The following MIER3 variants were observed in gnomAD, a reference collection of about 807,000 sequenced individuals.
The protein encoded by MIER3 is MIER family member 3.
Under a neutral mutation model 63.2 loss-of-function variants are expected in MIER3, and 9 were observed. The ratio of observed to expected loss-of-function variants is 0.14; its 90% CI spans 0.09 to 0.25. The LOEUF is 0.25. MIER3 is among the 10% of genes least tolerant of loss of function. The probability of loss-of-function intolerance (pLI) is 1.00; values close to 1 mark genes in which losing one functional copy is unlikely to be tolerated. For missense variants in MIER3, 512 were observed against 666.2 expected, an observed-to-expected ratio of 0.77 and a Z score of 2.55; for synonymous variants, 205 against 224.9, an observed-to-expected ratio of 0.91 and a Z score of 0.79.
At chr5:56,926,488 A>G (rs1749987720) in intron 10 of MIER3, among the ~76,000 whole-genome samples, 1 of 152,122 alleles carries the variant, frequency 6.6e-6, no homozygotes, top group South Asian at 2.1e-4. Context: ...ATAAGAAAAG[A>G]TGGTCAACAT....
At chr5:56,931,665 A>G (rs1048082530) in intron 8 of MIER3, among the ~76,000 whole-genome samples, 1 of 152,200 alleles carries the variant, frequency 6.6e-6, no homozygotes, top group African/African-American at 2.4e-5. Context: ...TCTTAATGTA[A>G]AAACCTTAGA....
intron 8 of MIER3, among the ~76,000 whole-genome samples, chr5:56,932,003 T>C (rs907365230): frequency 2.0e-5 from 3 of 152,152 alleles, no homozygotes; most frequent in Non-Finnish European, 4.4e-5. Flanking sequence ...ATTATAAATA[T>C]AATAGAGGGC....
chr5:56,922,466 G>C lies in MIER3; in HGVS notation c.*662C>G, dbSNP rs1158485566. On this transcript the variant is annotated 3_prime_UTR_variant, in exon 13 of 13. Transcript: ENST00000381199. ...ATCCAAGCAAGCGTCTTCATTATTTGCACACAGTTCCTTGTGCTGGCTTCC... is the reference window on the plus strand; with the variant it reads ...ATCCAAGCAAGCGTCTTCATTATTTCCACACAGTTCCTTGTGCTGGCTTCC... 6.5e-6 allele frequency: 1 copy of C among 152,678 alleles called. No individual in the cohort carries two copies. The highest frequency in any genetic ancestry group is 1.5e-5 in the Non-Finnish European group (1 of 68,094). The allele number at this position is 152,678 out of a possible 1,614,324, so 9.5% of individuals were successfully genotyped here.
intron 5 of MIER3, among the ~76,000 whole-genome samples, chr5:56,936,565 C>T (rs1750454232): frequency 6.6e-6 from 1 of 152,084 alleles, no homozygotes; most frequent in Non-Finnish European, 1.5e-5. Context: ...GGCTGGAGAG[C>T]AGTAGCCTGT....
At chr5:56,925,298 T>G (rs1257438115) in intron 10 of MIER3, 3 of 453,258 alleles carry the variant, frequency 6.6e-6, no homozygotes, top group South Asian at 4.7e-5. Flanking sequence ...GTATACAGAT[T>G]GGGAAGGAAG....
At chr5:56,934,283 A>G (rs528795073) in intron 7 of MIER3, among the ~76,000 whole-genome samples, 1 of 152,314 alleles carries the variant, frequency 6.6e-6, no homozygotes, top group South Asian at 2.1e-4. Flanking sequence ...AGTTAGAAGG[A>G]AAGTTAAAAA....
intron 3 of MIER3, among the ~76,000 whole-genome samples, chr5:56,944,869 A>AT (rs1750773737): frequency 6.6e-6 from 1 of 151,490 alleles, no homozygotes; most frequent in Admixed American, 6.6e-5. Context: ...TAATTGTTAA[A>AT]TTTTTTTGGT....
chr5:56,941,072 T>C, intron 3 of MIER3: 1 of 985,426 alleles, frequency 1.0e-6, no homozygotes. Flanking sequence ...TACTAGCTAC[T>C]TGCTACTGGA....
intron 9 of MIER3, chr5:56,929,150 A>G (rs970908048): frequency 3.9e-6 from 1 of 253,476 alleles, no homozygotes; most frequent in Non-Finnish European, 7.4e-6. Flanking sequence ...TAAGTTTTCT[A>G]TAACATGCCT....
intron 8 of MIER3, among the ~76,000 whole-genome samples, chr5:56,931,957 T>A (rs942285104): frequency 6.6e-6 from 1 of 152,160 alleles, no homozygotes; most frequent in South Asian, 2.1e-4. Flanking sequence ...ATACATTTTT[T>A]AAAAAATTGA....
chr5:56,928,905 CT>C (rs1432690260), intron 9 of MIER3, 44 bp from the exon 10 acceptor site: 1 of 1,403,860 alleles, frequency 7.1e-7, no homozygotes, highest in Non-Finnish European at 1.0e-6. Flanking sequence ...CCCAAATTTT[CT>C]TATGTGAATC....
chr5:56,933,559 A>G (rs1445641591), intron 7 of MIER3, among the ~76,000 whole-genome samples, 161 bp from the exon 8 acceptor site: 1 of 152,200 alleles, frequency 6.6e-6, no homozygotes. Context: ...CCTTTCACAC[A>G]CAAGCGAAAA....
rs890439770 is a variant in MIER3 at position 56,928,864 on chromosome 5, A to G, written c.830-3T>C. On this transcript the variant is annotated splice_region_variant and splice_polypyrimidine_tract_variant and intron_variant, in intron 9 of 12. Transcript: ENST00000381199. Reference sequence around the variant, plus strand: ...TTCCGTCCATGCAGTCATTCCTTCTAAGAAAAATTTTAAAATAAAATTTAT... The same window carrying G: ...TTCCGTCCATGCAGTCATTCCTTCTGAGAAAAATTTTAAAATAAAATTTAT... 2 of 1,608,758 alleles carry G rather than the reference A, an allele frequency of 1.2e-6. No homozygotes were observed. Among genetic ancestry groups the G allele is most frequent in the African/African-American group, 1.3e-5 (1 of 74,564 alleles).
At chr5:56,950,593 G>A (rs368183442) in intron 2 of MIER3, 35 bp downstream of exon 2, 1 of 1,612,514 alleles carries the variant, frequency 6.2e-7, no homozygotes, top group Non-Finnish European at 8.5e-7. Context: ...ATTACCCACT[G>A]GGAACCACCG....
At chr5:56,933,708 T>C (rs370441696) in intron 7 of MIER3, among the ~76,000 whole-genome samples, 14 of 152,306 alleles carry the variant, frequency 9.2e-5, no homozygotes, top group East Asian at 3.9e-4. Flanking sequence ...TCTTATACTC[T>C]TCTAATGAAG....
chr5:56,943,527 C>A (rs1750723730), intron 3 of MIER3, among the ~76,000 whole-genome samples: 1 of 152,084 alleles, frequency 6.6e-6, no homozygotes, highest in South Asian at 2.1e-4. Flanking sequence ...ACAGGAATGA[C>A]CATCTGTTGA....
At chr5:56,940,724 G>A (rs79301403) in intron 3 of MIER3, among the ~76,000 whole-genome samples, 2,200 of 152,228 alleles carry the variant, frequency 0.014, 19 homozygotes, top group Non-Finnish European at 0.024. Flanking sequence ...GTCAGAACAG[G>A]GTGAAGTTCA....
At chr5:56,927,773 T>C (rs936581178) in intron 10 of MIER3, 5 of 152,210 alleles carry the variant, frequency 3.3e-5, no homozygotes, top group African/African-American at 9.6e-5. Flanking sequence ...GTACATTCTA[T>C]GGGTTTTGAC....
chr5:56,924,023 G>A lies in MIER3; in HGVS notation c.944C>T (p.Ala315Val). 6.2e-7 allele frequency: 1 copy of A among 1,613,272 alleles called. No homozygotes were observed. Among genetic ancestry groups the A allele is most frequent in the South Asian group, 1.1e-5 (1 of 90,892 alleles). The change falls in exon 11 of 13, where the codon GCT (alanine) becomes GTT (valine). Residue 315 changes from alanine (A) to valine (V), a missense_variant. Coordinates refer to ENST00000381199, the MANE Select transcript of MIER3 (RefSeq NM_001297599.2). ...QKNKVRTRTV[A>V]ECVAFYYMWK... is the part of the protein sequence containing the mutation. The stretch of plus-strand genomic sequence containing the variant: ...CATATAGTAGAATGCTACACACTCA[G>A]CAACTGTCCTAGTTCTCACCTAATG...
Sources: gnomAD v4.1 joint callset for allele counts (sites outside exome capture counted in the v4.1 genomes callset) on GRCh38, gnomAD v4.1.1 for gene constraint, MANE v1.5 for transcripts, NCBI Gene and HGNC (gene_info 2026-07-23, HGNC 2026-07-21) for gene names.